DLGAP1: variants seen among roughly 807,000 people sequenced by gnomAD.
DLGAP1 encodes the protein DLG associated protein 1.
A neutral mutation model predicts 90.8 loss-of-function variants in DLGAP1; 11 were observed. The observed-to-expected ratio is 0.12, with a 90% CI of 0.08 to 0.20. The LOEUF (loss-of-function observed/expected upper bound fraction) is 0.20, where lower values mean the gene tolerates loss of function less well. Among genes scored for constraint, DLGAP1 ranks in the 10% least tolerant of loss-of-function variants. DLGAP1 has a pLI of 1.00. For synonymous variants in DLGAP1, 558 were observed against 540.7 expected, an observed-to-expected ratio of 1.03 and a Z score of -0.44; for missense variants, 1,050 against 1,333.8, an observed-to-expected ratio of 0.79 and a Z score of 3.31.
At chr18:3,813,125 G>A (rs2066924293) in intron 5 of DLGAP1, among the ~76,000 whole-genome samples, 1 of 152,136 alleles carries the variant, frequency 6.6e-6, no homozygotes. Flanking sequence ...TTTACAAACA[G>A]CACAAATACA....
At chr18:4,099,418 A>G (rs2075742649) in intron 2 of DLGAP1, among the ~76,000 whole-genome samples, 1 of 152,188 alleles carries the variant, frequency 6.6e-6, no homozygotes, top group Admixed American at 6.5e-5. Flanking sequence ...CCACAGCAAT[A>G]AAGAAAGTCA....
chr18:4,251,935 G>A (rs1290088464), intron 1 of DLGAP1, among the ~76,000 whole-genome samples: 1 of 152,200 alleles, frequency 6.6e-6, no homozygotes, highest in African/African-American at 2.4e-5. Context: ...GGGATGGGGA[G>A]GTAACACCCA....
intron 1 of DLGAP1, among the ~76,000 whole-genome samples, chr18:4,440,788 C>T (rs983403583): frequency 1.3e-5 from 2 of 152,184 alleles, no homozygotes; most frequent in Non-Finnish European, 2.9e-5. Flanking sequence ...ATATCCTCAA[C>T]CAATATTTAT....
chr18:4,385,846 A>G (rs2082219142), intron 1 of DLGAP1, among the ~76,000 whole-genome samples: 1 of 152,220 alleles, frequency 6.6e-6, no homozygotes, highest in South Asian at 2.1e-4. Context: ...TAGAGTAAAC[A>G]TGCCTGTAAA....
chr18:4,006,103 A>T (rs1053732255), intron 2 of DLGAP1, among the ~76,000 whole-genome samples: 1 of 152,196 alleles, frequency 6.6e-6, no homozygotes, highest in Non-Finnish European at 1.5e-5. Flanking sequence ...AGCTTTCTGT[A>T]AGTATTAGTT....
chr18:4,124,980 G>A lies in DLGAP1; in HGVS notation c.-159+26200C>T, dbSNP rs958314334. 2.0e-5 allele frequency among the ~76,000 whole-genome samples: 3 copies of A among 152,212 alleles called. 1 individual carries two copies. The highest frequency in any genetic ancestry group is 4.1e-4 in the South Asian group (2 of 4,826). On this transcript the variant is annotated intron_variant, in intron 2 of 12. Transcript: ENST00000315677. ...TCAGGGCCTCGAGCATGGCAAGCAA[G>A]CATGGGGTCCAGGTTGGTGGGCAAA... is the stretch of plus-strand genomic sequence containing the variant.
At chr18:4,449,323 C>T (rs1300522369) in intron 1 of DLGAP1, among the ~76,000 whole-genome samples, 5 of 152,184 alleles carry the variant, frequency 3.3e-5, no homozygotes, top group Admixed American at 2.6e-4. Flanking sequence ...CCTCTGCTTG[C>T]CAGCAGAGTG....
At chr18:4,003,437 GTTT>G (rs11457362) in intron 3 of DLGAP1, among the ~76,000 whole-genome samples, 1 of 130,386 alleles carries the variant, frequency 7.7e-6, no homozygotes, top group African/African-American at 2.9e-5. Flanking sequence ...TAATATCATT[GTTT>G]TTTTTTTTTT....
intron 1 of DLGAP1, among the ~76,000 whole-genome samples, chr18:4,336,267 A>C (rs1420263103): frequency 6.6e-6 from 1 of 152,202 alleles, no homozygotes; most frequent in Non-Finnish European, 1.5e-5. Context: ...CAGGTTGACC[A>C]ATCATATTAT....
chr18:3,874,257 A>AGT, intron 4 of DLGAP1: 1 of 1,549,752 alleles, frequency 6.5e-7, no homozygotes, highest in South Asian at 1.2e-5. Context: ...CATCTCTGGG[A>AGT]GTGCTTTCCT....
chr18:3,969,626 G>C (rs115219683), intron 3 of DLGAP1, among the ~76,000 whole-genome samples: 35 of 152,118 alleles, frequency 2.3e-4, no homozygotes, highest in South Asian at 6.2e-4. Context: ...TCACGATTTC[G>C]GTCTATTCTT....
intron 7 of DLGAP1, among the ~76,000 whole-genome samples, chr18:3,601,846 GAA>G (rs60470269): frequency 2.1e-5 from 2 of 96,988 alleles, no homozygotes; most frequent in Non-Finnish European, 3.7e-5. Context: ...CTCCATCTCG[GAA>G]AAAAAAAAAA....
intron 1 of DLGAP1, among the ~76,000 whole-genome samples, chr18:4,404,459 A>G (rs2082621214): frequency 6.6e-6 from 1 of 152,210 alleles, no homozygotes; most frequent in South Asian, 2.1e-4. Context: ...CTTAAACAAC[A>G]ACAAAATATA....
intron 7 of DLGAP1, among the ~76,000 whole-genome samples, chr18:3,710,444 T>C (rs933598966): frequency 6.6e-6 from 1 of 152,206 alleles, no homozygotes; most frequent in African/African-American, 2.4e-5. Context: ...AGAAGAGGTA[T>C]AGGTTTAGAA....
intron 1 of DLGAP1, among the ~76,000 whole-genome samples, chr18:4,248,284 A>G (rs929841677): frequency 6.6e-6 from 1 of 152,238 alleles, no homozygotes; most frequent in African/African-American, 2.4e-5. Context: ...TCACGGCGAA[A>G]TGAAGAACAG....
chr18:3,833,420 G>A (rs1054499312), intron 4 of DLGAP1, among the ~76,000 whole-genome samples: 1 of 152,048 alleles, frequency 6.6e-6, no homozygotes, highest in African/African-American at 2.4e-5. Context: ...TTTTGGTAGA[G>A]ATGGGGTTTT....
At chr18:3,572,256 C>A (rs1423777088) in intron 8 of DLGAP1, among the ~76,000 whole-genome samples, 2 of 151,942 alleles carry the variant, frequency 1.3e-5, no homozygotes, top group Non-Finnish European at 2.9e-5. Flanking sequence ...CGAATAAAAG[C>A]AATTTTGCTT....
chr18:3,933,872 T>G (rs901341926), intron 3 of DLGAP1, among the ~76,000 whole-genome samples: 5 of 152,312 alleles, frequency 3.3e-5, no homozygotes, highest in Admixed American at 2.6e-4. Context: ...AAAATGATAG[T>G]GTTTAAAGAG....
chr18:3,589,304 C>A (rs1179895236), intron 7 of DLGAP1, among the ~76,000 whole-genome samples: 2 of 152,368 alleles, frequency 1.3e-5, no homozygotes, highest in East Asian at 3.9e-4. Flanking sequence ...GACTCTCTTT[C>A]CACTCTGGTT....
Sources: allele counts gnomAD v4.1 joint callset (sites outside exome capture counted in the v4.1 genomes callset), GRCh38; gene constraint gnomAD v4.1.1; transcripts MANE v1.5; gene names NCBI Gene and HGNC (gene_info 2026-07-23, HGNC 2026-07-21).